NKAIN2: variants seen among roughly 807,000 people sequenced by gnomAD.
NKAIN2 encodes the protein sodium/potassium transporting ATPase interacting 2, also known as sodium/potassium-transporting ATPase subunit beta-1-interacting protein 2.
In NKAIN2, 14 loss-of-function variants were observed where a neutral mutation model predicts 32.6. That is an observed-to-expected ratio of 0.43 (90% CI 0.28 to 0.67). NKAIN2 has a LOEUF of 0.67. Among genes scored for constraint, NKAIN2 ranks in the 30% least tolerant of loss-of-function variants. The probability of loss-of-function intolerance (pLI) is 0.17; values close to 1 mark genes in which losing one functional copy is unlikely to be tolerated. For synonymous variants in NKAIN2, 80 were observed against 87.2 expected (o/e 0.92, Z 0.46); for missense variants, 198 against 258.3 (o/e 0.77, Z 1.60).
At chr6:124,578,166 T>G (rs1435123110) in intron 3 of NKAIN2, among the ~76,000 whole-genome samples, 4 of 151,876 alleles carry the variant, frequency 2.6e-5, no homozygotes, top group Non-Finnish European at 5.9e-5. Context: ...AGAGCAACCT[T>G]CTGCTTGAGA....
chr6:124,492,674 C>T (rs887629472), intron 3 of NKAIN2, among the ~76,000 whole-genome samples: 49 of 151,944 alleles, frequency 3.2e-4, no homozygotes, highest in African/African-American at 1.2e-3. Flanking sequence ...ATTATAATGC[C>T]ATTGATTCTT....
intron 6 of NKAIN2, among the ~76,000 whole-genome samples, chr6:124,821,508 A>T (rs1020760516): frequency 7.2e-5 from 11 of 152,160 alleles, no homozygotes; most frequent in African/African-American, 2.7e-4. Context: ...AAGCATTTAT[A>T]ATTCTAATGG....
chr6:124,345,110 G>A (rs930312902), intron 2 of NKAIN2, among the ~76,000 whole-genome samples: 3 of 151,988 alleles, frequency 2.0e-5, no homozygotes, highest in Non-Finnish European at 2.9e-5. Context: ...TTTGTCTTTG[G>A]TTCTGTTTAT....
At chr6:124,322,578 T>G (rs1442833260) in intron 2 of NKAIN2, among the ~76,000 whole-genome samples, 1 of 152,204 alleles carries the variant, frequency 6.6e-6, no homozygotes, top group Non-Finnish European at 1.5e-5. Flanking sequence ...ATCATTAATT[T>G]ATTCTTCATA....
chr6:124,756,405 T>G (rs934722645), intron 4 of NKAIN2, among the ~76,000 whole-genome samples: 1 of 152,134 alleles, frequency 6.6e-6, no homozygotes, highest in Non-Finnish European at 1.5e-5. Flanking sequence ...GATTAAGATC[T>G]TTCTATGACT....
intron 1 of NKAIN2, 151 bp downstream of exon 1, chr6:123,804,405 G>A (rs886231311): frequency 1.4e-6 from 1 of 715,800 alleles, no homozygotes; most frequent in African/African-American, 1.7e-5. Context: ...ATGATTTCAG[G>A]GAGACGCACT....
chr6:124,817,250 T>G (rs527315703), intron 5 of NKAIN2, among the ~76,000 whole-genome samples: 1 of 152,320 alleles, frequency 6.6e-6, no homozygotes, highest in Non-Finnish European at 1.5e-5. Context: ...GGCATTTTTT[T>G]TTTTGGCTCA....
rs1338979850 is a variant in NKAIN2 at position 124,712,426 on chromosome 6, G to A, written c.474+54040G>A. 5.2e-5 allele frequency among the ~76,000 whole-genome samples: 6 copies of A among 115,602 alleles called. 1 individual carries two copies. The highest frequency in any genetic ancestry group is 1.1e-4 in the Non-Finnish European group (6 of 54,702). The allele number at this position is 115,602 out of a possible 152,430, so 75.8% of individuals were successfully genotyped here. ...GCGCCCCTCCCCCAGGCTCGCTGCCGCCTTGCAGTTTGATCTCAGACTGCT... is the reference window on the plus strand; with the variant it reads ...GCGCCCCTCCCCCAGGCTCGCTGCCACCTTGCAGTTTGATCTCAGACTGCT... On this transcript the variant is annotated intron_variant, in intron 4 of 6. Coordinates refer to ENST00000368417, the MANE Select transcript of NKAIN2 (RefSeq NM_001040214.3).
chr6:123,913,518 A>G (rs1305491943), intron 1 of NKAIN2, among the ~76,000 whole-genome samples: 1 of 152,154 alleles, frequency 6.6e-6, no homozygotes, highest in Non-Finnish European at 1.5e-5. Flanking sequence ...CTTACTACAA[A>G]AAACCTCAGT....
At chr6:124,543,239 C>T (rs1779973027) in intron 3 of NKAIN2, among the ~76,000 whole-genome samples, 1 of 152,134 alleles carries the variant, frequency 6.6e-6, no homozygotes, top group African/African-American at 2.4e-5. Context: ...TCAAAATTTG[C>T]ATTCCAGTTT....
chr6:123,995,460 A>G (rs1213192569), intron 1 of NKAIN2, among the ~76,000 whole-genome samples: 1 of 152,208 alleles, frequency 6.6e-6, no homozygotes, highest in Non-Finnish European at 1.5e-5. Flanking sequence ...CTAGTAGAAT[A>G]ATGTATATAA....
At chr6:124,269,915 T>G (rs1794676632) in intron 1 of NKAIN2, among the ~76,000 whole-genome samples, 1 of 152,180 alleles carries the variant, frequency 6.6e-6, no homozygotes, top group Admixed American at 6.5e-5. Flanking sequence ...CCCATCCTTA[T>G]GAAATTGAAT....
chr6:124,729,195 C>A (rs1001868404), intron 4 of NKAIN2, among the ~76,000 whole-genome samples: 2 of 151,916 alleles, frequency 1.3e-5, no homozygotes, highest in Admixed American at 6.6e-5. Context: ...GAAATCCTCC[C>A]TAACTCATTT....
intron 1 of NKAIN2, among the ~76,000 whole-genome samples, chr6:123,932,870 G>T (rs1373721804): frequency 2.0e-5 from 3 of 147,558 alleles, no homozygotes; most frequent in African/African-American, 7.6e-5. Flanking sequence ...TCTTTCTCCT[G>T]TCTTCCCTTT....
At chr6:124,403,245 AC>A (rs750270010) in intron 3 of NKAIN2, among the ~76,000 whole-genome samples, 1 of 152,144 alleles carries the variant, frequency 6.6e-6, no homozygotes, top group Non-Finnish European at 1.5e-5. Context: ...TTGATGCTAA[AC>A]GTTCTCTTTT....
chr6:124,280,705 A>G (rs2037592), intron 1 of NKAIN2, among the ~76,000 whole-genome samples: 3,776 of 152,292 alleles, frequency 0.025, 149 homozygotes, highest in African/African-American at 0.084. Flanking sequence ...CCTCATAGTT[A>G]ATAGTCTTCC....
At chr6:124,345,311 C>G (rs1055362069) in intron 2 of NKAIN2, among the ~76,000 whole-genome samples, 2 of 152,126 alleles carry the variant, frequency 1.3e-5, no homozygotes, top group Non-Finnish European at 2.9e-5. Context: ...GGTTGTGTCT[C>G]TGCCAGTCTT....
chr6:124,635,005 AAAG>A (rs970950041), intron 3 of NKAIN2, among the ~76,000 whole-genome samples: 4 of 151,758 alleles, frequency 2.6e-5, no homozygotes, highest in African/African-American at 7.2e-5. Flanking sequence ...AGAAAAAAGA[AAAG>A]AAAAAGACAA....
intron 4 of NKAIN2, among the ~76,000 whole-genome samples, chr6:124,727,965 C>A (rs1238827728): frequency 6.7e-6 from 1 of 149,584 alleles, no homozygotes; most frequent in Non-Finnish European, 1.5e-5. Flanking sequence ...CAAAGAAGGC[C>A]ATTACATAAT....
Sources: gnomAD v4.1 joint callset for allele counts (sites outside exome capture counted in the v4.1 genomes callset) on GRCh38, gnomAD v4.1.1 for gene constraint, MANE v1.5 for transcripts, NCBI Gene and HGNC (gene_info 2026-07-23, HGNC 2026-07-21) for gene names.